COTL1: variants seen among roughly 807,000 people sequenced by gnomAD.
The protein encoded by COTL1 is coactosin-like protein.
COTL1 carries 15 observed loss-of-function variants against 16.5 expected under a neutral mutation model. The ratio of observed to expected loss-of-function variants is 0.91; its 90% CI spans 0.61 to 1.40. The LOEUF is 1.40. COTL1 is among the 40% of genes most tolerant of loss of function. The pLI is 0.00. For synonymous variants in COTL1, 112 were observed against 85.3 expected (o/e 1.31, Z -1.73); for missense variants, 220 against 201.5 (o/e 1.09, Z -0.56).
At chr16:84,585,690 T>G (rs964259707) in intron 3 of COTL1, among the ~76,000 whole-genome samples, 1 of 152,100 alleles carries the variant, frequency 6.6e-6, no homozygotes, top group African/African-American at 2.4e-5. Flanking sequence ...CATGCCAGTC[T>G]CTGCATGGTT....
At chr16:84,577,255 G>C (rs905115278) in intron 3 of COTL1, among the ~76,000 whole-genome samples, 1 of 145,278 alleles carries the variant, frequency 6.9e-6, no homozygotes, top group Non-Finnish European at 1.5e-5. Flanking sequence ...TTTTGGTTTT[G>C]GTTTTTTGAG....
At chr16:84,587,615 C>A (rs1904762440) in intron 3 of COTL1, among the ~76,000 whole-genome samples, 1 of 151,934 alleles carries the variant, frequency 6.6e-6, no homozygotes, top group Non-Finnish European at 1.5e-5. Context: ...ATTACATTAA[C>A]CTTAAAAAAA....
intron 2 of COTL1, among the ~76,000 whole-genome samples, chr16:84,612,901 G>A (rs1337179510): frequency 6.6e-6 from 1 of 152,130 alleles, no homozygotes; most frequent in Non-Finnish European, 1.5e-5. Context: ...CCTAAAAACT[G>A]AGGCACAGAG....
chr16:84,601,275 CA>C (rs947507912), intron 2 of COTL1, among the ~76,000 whole-genome samples: 2 of 152,156 alleles, frequency 1.3e-5, no homozygotes, highest in Non-Finnish European at 2.9e-5. Flanking sequence ...TCCCTACCTT[CA>C]AAAAATATAC....
chr16:84,577,652 T>C (rs1288399487), intron 3 of COTL1, among the ~76,000 whole-genome samples: 1 of 152,208 alleles, frequency 6.6e-6, no homozygotes, highest in East Asian at 1.9e-4. Context: ...AAGGCACCTG[T>C]GTCAAACCCT....
intron 2 of COTL1, among the ~76,000 whole-genome samples, chr16:84,592,618 A>C (rs995511800): frequency 2.3e-4 from 34 of 146,414 alleles, no homozygotes; most frequent in Non-Finnish European, 4.5e-4. Flanking sequence ...AAAAAAAATC[A>C]ATCTGCGTTT....
At chr16:84,570,065 C>T (rs371680997) in intron 3 of COTL1, among the ~76,000 whole-genome samples, 1 of 152,162 alleles carries the variant, frequency 6.6e-6, no homozygotes, top group Non-Finnish European at 1.5e-5. Flanking sequence ...ATCATGAGGT[C>T]AGGAGATCGA....
intron 3 of COTL1, among the ~76,000 whole-genome samples, chr16:84,588,984 A>G (rs1904798140): frequency 6.6e-6 from 1 of 151,820 alleles, no homozygotes; most frequent in Non-Finnish European, 1.5e-5. Flanking sequence ...TTTTTTATTT[A>G]TTTTGAGACA....
intron 3 of COTL1, among the ~76,000 whole-genome samples, chr16:84,583,206 C>G (rs1904639908): frequency 6.6e-6 from 1 of 152,182 alleles, no homozygotes; most frequent in Non-Finnish European, 1.5e-5. Flanking sequence ...GCAAGTTACT[C>G]AGCTTCTTCG....
At chr16:84,616,967 G>C (rs981087440) in intron 2 of COTL1, among the ~76,000 whole-genome samples, 1 of 152,162 alleles carries the variant, frequency 6.6e-6, no homozygotes, top group Non-Finnish European at 1.5e-5. Flanking sequence ...GATTAGTTTC[G>C]CCTTGTCTAG....
chr16:84,566,917 C>T lies in COTL1; in HGVS notation c.357G>A (p.Glu119=), dbSNP rs771618110. The stretch of plus-strand genomic sequence containing the variant: ...CGCTCTTGATGAAATCTTCCTCCAG[C>T]TCCTTCCGATCACTGATCACAAACT... ...AKEFVISDRK[E]LEEDFIKSEL... is the part of the protein sequence containing the mutation. The change falls in exon 4 of 4, where the codon GAG becomes GAA. Residue 119 remains glutamate (E), a synonymous_variant. Coordinates refer to ENST00000262428, the MANE Select transcript of COTL1 (RefSeq NM_021149.5). 3 of 1,614,068 alleles carry T rather than the reference C, an allele frequency of 1.9e-6. No homozygotes were observed. The South Asian group carries it at 3.3e-5, about 18-fold the overall frequency.
At chr16:84,617,675 C>G in intron 1 of COTL1, 92 bp from the exon 2 acceptor site, 1 of 1,431,540 alleles carries the variant, frequency 7.0e-7, no homozygotes, top group Non-Finnish European at 9.6e-7. Context: ...AACAGACGCG[C>G]TGGCCACGGA....
At chr16:84,616,814 G>T (rs374948273) in intron 2 of COTL1, among the ~76,000 whole-genome samples, 2 of 152,026 alleles carry the variant, frequency 1.3e-5, no homozygotes, top group Admixed American at 1.3e-4. Context: ...TTTCACGCGG[G>T]TACACACCTG....
chr16:84,613,257 C>T (rs1905380142), intron 2 of COTL1, among the ~76,000 whole-genome samples: 1 of 152,112 alleles, frequency 6.6e-6, no homozygotes, highest in Non-Finnish European at 1.5e-5. Flanking sequence ...GCCTTGGCCT[C>T]CCAAAGTGCC....
intron 2 of COTL1, among the ~76,000 whole-genome samples, chr16:84,612,245 G>A (rs995564548): frequency 2.6e-5 from 4 of 152,150 alleles, no homozygotes; most frequent in African/African-American, 9.7e-5. Context: ...CAGAGCACAT[G>A]AATGGCAGGT....
chr16:84,603,849 A>G (rs1442257574), intron 2 of COTL1, among the ~76,000 whole-genome samples: 1 of 151,914 alleles, frequency 6.6e-6, no homozygotes, highest in African/African-American at 2.4e-5. Context: ...GACATGAAAC[A>G]AAAGTGATCA....
At chr16:84,571,810 G>T (rs2967841) in intron 3 of COTL1, among the ~76,000 whole-genome samples, 5,340 of 152,282 alleles carry the variant, frequency 0.035, 119 homozygotes, top group African/African-American at 0.057. Flanking sequence ...CTGGACCCCA[G>T]CCTGCTCCTG....
rs554994367 is a variant in COTL1 at position 84,572,617 on chromosome 16, C to T, written c.319-5662G>A. 3.3e-5 allele frequency among the ~76,000 whole-genome samples: 5 copies of T among 152,304 alleles called. No homozygotes were observed. The South Asian group carries it at 6.2e-4, about 19-fold the overall frequency. ...CTAGAAATACAGGCACAAGCCACCACGTCCAGCTGATTTTTGTATTTTTCT... is the reference window on the plus strand; with the variant it reads ...CTAGAAATACAGGCACAAGCCACCATGTCCAGCTGATTTTTGTATTTTTCT... On this transcript the variant is annotated intron_variant, in intron 3 of 3. Transcript: ENST00000262428.
At chr16:84,567,029 A>G (rs1026461906) in intron 3 of COTL1, 74 bp from the exon 4 acceptor site, 9 of 1,019,344 alleles carry the variant, frequency 8.8e-6, no homozygotes, top group South Asian at 3.8e-5. Context: ...CTCAGGCAAC[A>G]CACTGGGAAG....
Sources: allele counts gnomAD v4.1 joint callset (sites outside exome capture counted in the v4.1 genomes callset), GRCh38; gene constraint gnomAD v4.1.1; transcripts MANE v1.5; gene names NCBI Gene and HGNC (gene_info 2026-07-23, HGNC 2026-07-21).